Variants in VPS39 observed in about 807,000 individuals in gnomAD.
VPS39 encodes VPS39 subunit of HOPS complex, also known as vam6/Vps39-like protein.
A neutral mutation model predicts 121.0 loss-of-function variants in VPS39; 70 were observed. That is an observed-to-expected ratio of 0.58 (90% CI 0.48 to 0.71). VPS39 has a LOEUF of 0.71. Among genes scored for constraint, VPS39 ranks in the 30% least tolerant of loss-of-function variants. VPS39 has a pLI of 0.00. For synonymous variants in VPS39, 378 were observed against 398.1 expected (o/e 0.95, Z 0.60); for missense variants, 818 against 1,051.5 (o/e 0.78, Z 3.07).
chr15:42,204,322 T>C (rs1211525463), intron 1 of VPS39, among the ~76,000 whole-genome samples: 2 of 152,224 alleles, frequency 1.3e-5, no homozygotes, highest in African/African-American at 4.8e-5. Context: ...ATTCAATGGC[T>C]TTGAAGTGGT....
intron 15 of VPS39, 23 bp downstream of exon 15, chr15:42,166,540 C>G: frequency 6.2e-7 from 1 of 1,613,480 alleles, no homozygotes; most frequent in Non-Finnish European, 8.5e-7. Context: ...CGCTTTCCCA[C>G]CCCTTTCAAA....
intron 12 of VPS39, 40 bp downstream of exon 12, chr15:42,169,684 T>C: frequency 6.4e-7 from 1 of 1,552,246 alleles, no homozygotes; most frequent in Non-Finnish European, 8.8e-7. Context: ...GTACTGAAAC[T>C]CCCAGGCAAA....
chr15:42,161,022 A>T lies in VPS39; in HGVS notation c.2553-193T>A, dbSNP rs2049116811. ...TCATCTCTGTCAAATAACCAAACAGAGGATGAGGTGCACACAGTTAAGAGT... is the reference window on the plus strand; with the variant it reads ...TCATCTCTGTCAAATAACCAAACAGTGGATGAGGTGCACACAGTTAAGAGT... On this transcript the variant is annotated intron_variant, in intron 24 of 24. Transcript: ENST00000318006. 1.5e-5 allele frequency: 9 copies of T among 604,756 alleles called. No homozygotes were observed. The South Asian group carries it at 1.7e-4, about 12-fold the overall frequency. 37.5% of individuals were successfully genotyped at this position (604,756 alleles called of 1,614,324 possible). A position where few individuals can be genotyped will look rare whatever the true frequency, so the allele number is the denominator to read the frequency against.
intron 21 of VPS39, chr15:42,162,782 T>G: frequency 3.8e-6 from 1 of 266,362 alleles, no homozygotes; most frequent in Non-Finnish European, 7.1e-6. Flanking sequence ...TCCTTTGGCT[T>G]TAAAAGCTGA....
rs2050087472 is a variant in VPS39, at chr15:42,202,480, A to T, written c.74-2519T>A. Reference sequence around the variant, plus strand: ...GAACTTTATAGATATCATGATATCAAGCAATTTAGCAATATTAAAGTTGAT... The same window carrying T: ...GAACTTTATAGATATCATGATATCATGCAATTTAGCAATATTAAAGTTGAT... On this transcript the variant is annotated intron_variant, in intron 1 of 24. Transcript: ENST00000318006. 1.3e-5 allele frequency among the ~76,000 whole-genome samples: 2 copies of T among 152,264 alleles called. 1 individual carries two copies. Among genetic ancestry groups the T allele is most frequent in the South Asian group, 4.1e-4 (2 of 4,834 alleles).
At chr15:42,187,488 G>A in intron 6 of VPS39, 125 bp from the exon 7 acceptor site, 1 of 859,336 alleles carries the variant, frequency 1.2e-6, no homozygotes. Context: ...AATTCTACAG[G>A]CACAAGGCCA....
At chr15:42,169,571 G>C (rs895821405) in intron 12 of VPS39, among the ~76,000 whole-genome samples, 153 bp downstream of exon 12, 1 of 152,198 alleles carries the variant, frequency 6.6e-6, no homozygotes, top group Non-Finnish European at 1.5e-5. Flanking sequence ...AAAGTTAGAA[G>C]TAGCAGAAAG....
At chr15:42,174,847 G>C (rs2049416665) in intron 10 of VPS39, among the ~76,000 whole-genome samples, 1 of 152,132 alleles carries the variant, frequency 6.6e-6, no homozygotes, top group Non-Finnish European at 1.5e-5. Flanking sequence ...GGTGGCATGT[G>C]CCTGTAATCC....
intron 7 of VPS39, 59 bp downstream of exon 7, chr15:42,187,212 G>T: frequency 7.2e-7 from 1 of 1,396,356 alleles, no homozygotes. Flanking sequence ...GGAGTTTGGA[G>T]CAGATAATCA....
chr15:42,194,827 A>T (rs8027682), intron 2 of VPS39, among the ~76,000 whole-genome samples: 57,955 of 151,598 alleles, frequency 0.38, 13,746 homozygotes, highest in Non-Finnish European at 0.53. Context: ...TCGTTTTTTT[A>T]AAAAAATCTC....
intron 4 of VPS39, among the ~76,000 whole-genome samples, chr15:42,189,658 G>A (rs2140875946): frequency 7.0e-6 from 1 of 142,878 alleles, no homozygotes; most frequent in Middle Eastern, 4.1e-3. Context: ...GACCCAGGAG[G>A]TCAGAAGTTG....
chr15:42,204,289 G>A (rs2050124355), intron 1 of VPS39, among the ~76,000 whole-genome samples: 1 of 152,194 alleles, frequency 6.6e-6, no homozygotes, highest in Non-Finnish European at 1.5e-5. Context: ...GCACATTCCT[G>A]GGCCCTGCAC....
At chr15:42,174,781 C>T (rs2049415192) in intron 10 of VPS39, among the ~76,000 whole-genome samples, 1 of 152,040 alleles carries the variant, frequency 6.6e-6, no homozygotes, top group Non-Finnish European at 1.5e-5. Context: ...TGAGACCCAG[C>T]CTGGCCAACA....
rs187191900 is a variant in VPS39, at chr15:42,165,762, C to T, written c.1735G>A (p.Gly579Ser). The T allele has an allele frequency of 1.9e-5, 30 of 1,614,134 alleles. No individual in the cohort carries two copies. The Admixed American group carries it at 3.0e-4, about 16-fold the overall frequency. The change falls in exon 17 of 25, where the codon GGC (glycine) becomes AGC (serine). Residue 579 changes from glycine to serine, a missense_variant. Gly to Ser is a moderately conservative substitution (Grantham distance 56). Coordinates refer to ENST00000318006, the MANE Select transcript of VPS39 (RefSeq NM_015289.5). Reference protein sequence around the residue: ...VESLPRDRVLGFLIENFKGLA... With the variant: ...VESLPRDRVLSFLIENFKGLA... ...CCCTTAAAATTCTCTATTAAGAAGC[C>T]GAGGACTCGATCACGTGGCAGAGAC...
intron 8 of VPS39, among the ~76,000 whole-genome samples, chr15:42,180,401 T>G (rs936655152): frequency 2.0e-5 from 3 of 152,216 alleles, no homozygotes; most frequent in African/African-American, 7.2e-5. Flanking sequence ...TTTTAATATA[T>G]CCACTATATT....
chr15:42,159,688 C>G lies in VPS39; in HGVS notation c.*1066G>C, dbSNP rs960232307. 1 of 152,364 alleles carries G rather than the reference C, an allele frequency of 6.6e-6. No homozygotes were observed. The highest frequency in any genetic ancestry group is 1.5e-5 in the Non-Finnish European group (1 of 68,132). 9.4% of individuals were successfully genotyped at this position (152,364 alleles called of 1,614,324 possible). A position where few individuals can be genotyped will look rare whatever the true frequency, so the allele number is the denominator to read the frequency against. On this transcript the variant is annotated 3_prime_UTR_variant, in exon 25 of 25. Coordinates refer to ENST00000318006, the MANE Select transcript of VPS39 (RefSeq NM_015289.5). Reference sequence around the variant, plus strand: ...GCCGGGACCCACCTTCCTGCGCTATCCCAGCACAACTCTCCAACCACACCA... The same window carrying G: ...GCCGGGACCCACCTTCCTGCGCTATGCCAGCACAACTCTCCAACCACACCA...
At chr15:42,183,487 C>T (rs1033470986) in intron 8 of VPS39, among the ~76,000 whole-genome samples, 26 of 152,090 alleles carry the variant, frequency 1.7e-4, no homozygotes, top group Non-Finnish European at 1.5e-5. Flanking sequence ...ACCAACTGGC[C>T]CTATTTCACT....
chr15:42,191,627 A>T (rs757153672), intron 2 of VPS39, 67 bp from the exon 3 acceptor site: 1 of 1,377,752 alleles, frequency 7.3e-7, no homozygotes, highest in Non-Finnish European at 1.0e-6. Context: ...ACTACTAGAA[A>T]AATACTGCTC....
intron 1 of VPS39, among the ~76,000 whole-genome samples, chr15:42,206,586 C>G (rs1595692742): frequency 6.6e-6 from 1 of 152,176 alleles, no homozygotes; most frequent in African/African-American, 2.4e-5. Flanking sequence ...TTCTGACGAG[C>G]TAAGTCAAGT....
Sources: allele counts gnomAD v4.1 joint callset (sites outside exome capture counted in the v4.1 genomes callset), GRCh38; gene constraint gnomAD v4.1.1; transcripts MANE v1.5; gene names NCBI Gene and HGNC (gene_info 2026-07-23, HGNC 2026-07-21).